RTL9: variants seen among roughly 807,000 people sequenced by gnomAD.
The protein encoded by RTL9 is retrotransposon Gag-like protein 9.
In RTL9, 19 loss-of-function variants were observed where a neutral mutation model predicts 44.7. That is an observed-to-expected ratio of 0.42 (90% CI 0.30 to 0.62). RTL9 has a LOEUF of 0.62. Ranked by LOEUF, RTL9 falls within the 20% of genes least tolerant of loss-of-function variation. RTL9 has a pLI of 0.16. For missense variants in RTL9, 1,105 were observed against 1,080.6 expected, an observed-to-expected ratio of 1.02 and a Z score of -0.32; for synonymous variants, 407 against 398.9, an observed-to-expected ratio of 1.02 and a Z score of -0.24.
chrX:110,456,295 G>GTAAT (rs2068980318), exon 2 of RTL9: 1 of 112,724 alleles, frequency 8.9e-6, no homozygotes, highest in African/African-American at 3.2e-5. Context: ...TGTTACATTT[G>GTAAT]TAATTATAAA....
chrX:110,419,287 G>A (rs1324167203), intron 1 of RTL9, among the ~76,000 whole-genome samples: 1 of 111,980 alleles, frequency 8.9e-6, no homozygotes, highest in Non-Finnish European at 1.9e-5. Context: ...CTCGCCCCAG[G>A]GCCTTTGTTC....
At chrX:110,376,752 G>A (rs1337037910) in intron 1 of RTL9, among the ~76,000 whole-genome samples, 1 of 112,572 alleles carries the variant, frequency 8.9e-6, no homozygotes, top group East Asian at 2.8e-4. Context: ...AAACCTCCCT[G>A]CGACTGTTCT....
intron 1 of RTL9, among the ~76,000 whole-genome samples, chrX:110,422,508 T>C (rs1475551876): frequency 8.9e-6 from 1 of 112,959 alleles, no homozygotes; most frequent in Non-Finnish European, 1.9e-5. Flanking sequence ...CACATTCTGG[T>C]TAAAACCAGA....
intron 1 of RTL9, among the ~76,000 whole-genome samples, chrX:110,370,821 A>G (rs1324132813): frequency 8.9e-6 from 1 of 112,207 alleles, no homozygotes; most frequent in Non-Finnish European, 1.9e-5. Flanking sequence ...CAAACAAAAA[A>G]TATTTTCAGG....
chrX:110,428,605 C>T (rs1413010460), intron 1 of RTL9, among the ~76,000 whole-genome samples: 1 of 111,307 alleles, frequency 9.0e-6, no homozygotes, highest in Admixed American at 9.5e-5. Flanking sequence ...AACACTCCCC[C>T]CCTCTCCAAG....
At chrX:110,374,197 T>C (rs2068359524) in intron 1 of RTL9, among the ~76,000 whole-genome samples, 1 of 112,191 alleles carries the variant, frequency 8.9e-6, no homozygotes, top group South Asian at 3.7e-4. Context: ...TGATACCCTG[T>C]AGATGCAACA....
upstream of RTL9, among the ~76,000 whole-genome samples, chrX:110,445,928 C>T (rs1319186836): frequency 9.0e-6 from 1 of 111,470 alleles, no homozygotes; most frequent in Non-Finnish European, 1.9e-5. Context: ...TTTAATAGAA[C>T]GGAAGTCTAT....
upstream of RTL9, among the ~76,000 whole-genome samples, chrX:110,446,459 G>A (rs908148863): frequency 1.8e-5 from 2 of 110,264 alleles, no homozygotes; most frequent in Non-Finnish European, 3.8e-5. Context: ...TGCAAGGAGA[G>A]GAGTGAAAAG....
chrX:110,431,260 T>C (rs142783194), intron 1 of RTL9, among the ~76,000 whole-genome samples: 155 of 110,296 alleles, frequency 1.4e-3, no homozygotes, highest in African/African-American at 4.8e-3. Context: ...GGGTTTGCAG[T>C]GATCATGGGG....
chrX:110,431,386 C>A (rs1421183193), intron 1 of RTL9, among the ~76,000 whole-genome samples: 2 of 107,108 alleles, frequency 1.9e-5, no homozygotes, highest in Non-Finnish European at 3.8e-5. Flanking sequence ...GGAGGAATAC[C>A]AGGATTCTGA....
upstream of RTL9, among the ~76,000 whole-genome samples, chrX:110,446,496 A>G (rs1209726855): frequency 9.0e-6 from 1 of 110,959 alleles, no homozygotes; most frequent in Non-Finnish European, 1.9e-5. Context: ...CTAGGGAAAC[A>G]TATCTTTAAA....
exon 1 of RTL9, chrX:110,450,908 T>C: frequency 8.3e-7 from 1 of 1,211,940 alleles, no homozygotes; most frequent in South Asian, 1.8e-5. Flanking sequence ...CCTCAGACTC[T>C]GGGGCACTTT....
chrX:110,386,505 C>T (rs934816561), intron 1 of RTL9, among the ~76,000 whole-genome samples: 23 of 111,117 alleles, frequency 2.1e-4, no homozygotes, highest in African/African-American at 7.5e-4. Context: ...AATGTCCCTA[C>T]AAATTCTTTG....
intron 1 of RTL9, among the ~76,000 whole-genome samples, chrX:110,378,923 C>T (rs1416184152): frequency 9.1e-6 from 1 of 110,274 alleles, no homozygotes; most frequent in African/African-American, 3.3e-5. Flanking sequence ...GACACCCGTC[C>T]ACCCCCCACC....
intron 1 of RTL9, among the ~76,000 whole-genome samples, chrX:110,399,271 C>G (rs1371041551): frequency 8.9e-6 from 1 of 112,520 alleles, no homozygotes; most frequent in African/African-American, 3.2e-5. Context: ...CAACCCCAAA[C>G]TTAGAAATGC....
In RTL9 at chrX:110,393,755, C is replaced by A. The variant is rs1243640988; in HGVS notation, c.-168+34839C>A. Among the ~76,000 whole-genome samples, 3 of 112,354 alleles carry A rather than the reference C, an allele frequency of 2.7e-5. No individual in the cohort carries two copies. The East Asian group carries it at 8.4e-4, about 31-fold the overall frequency. On this transcript the variant is annotated intron_variant, in intron 1 of 2. Coordinates refer to the RTL9 transcript ENST00000520821. ...TTAATGGGGAAAATTTGGTTTTCCC[C>A]AGGGCCACTGTCCATGGACAGGATG...
chrX:110,454,721 C>A, intron 1 of RTL9, 57 bp downstream of exon 3: 1 of 980,231 alleles, frequency 1.0e-6, no homozygotes, highest in Non-Finnish European at 1.4e-6. Context: ...GAGGTCACGA[C>A]AGGGAATACA....
chrX:110,405,339 C>G (rs1223125658), intron 1 of RTL9, among the ~76,000 whole-genome samples: 1 of 111,684 alleles, frequency 9.0e-6, no homozygotes, highest in East Asian at 2.8e-4. Flanking sequence ...GCCTCAATGG[C>G]TGAAAGGAGC....
intron 1 of RTL9, among the ~76,000 whole-genome samples, chrX:110,411,343 C>G (rs1189505789): frequency 8.9e-6 from 1 of 111,785 alleles, no homozygotes; most frequent in Non-Finnish European, 1.9e-5. Context: ...GGGCTTCAGC[C>G]TCACCATTTC....
Sources: allele counts gnomAD v4.1 joint callset (sites outside exome capture counted in the v4.1 genomes callset), GRCh38; gene constraint gnomAD v4.1.1; transcripts MANE v1.5; gene names NCBI Gene and HGNC (gene_info 2026-07-23, HGNC 2026-07-21).